Variants in VAV3 observed in about 807,000 individuals in gnomAD.
The protein encoded by VAV3 is guanine nucleotide exchange factor VAV3.
Under a neutral mutation model 131.2 loss-of-function variants are expected in VAV3, and 94 were observed. The observed-to-expected ratio is 0.72, with a 90% CI of 0.61 to 0.85. VAV3 has a LOEUF of 0.85. Ranked by LOEUF, VAV3 falls within the 40% of genes least tolerant of loss-of-function variation. VAV3 has a pLI of 0.00. For missense variants in VAV3, 939 were observed against 1,002.7 expected, an observed-to-expected ratio of 0.94 and a Z score of 0.86; for synonymous variants, 349 against 342.0, an observed-to-expected ratio of 1.02 and a Z score of -0.22.
At chr1:107,788,757 G>A (rs142382633) in intron 2 of VAV3, among the ~76,000 whole-genome samples, 15 of 152,248 alleles carry the variant, frequency 9.9e-5, no homozygotes, top group African/African-American at 3.4e-4. Context: ...AACTTAGTAC[G>A]CAAATGATAA....
intron 24 of VAV3, among the ~76,000 whole-genome samples, chr1:107,599,800 G>A (rs1400273627): frequency 9.2e-6 from 1 of 109,178 alleles, no homozygotes; most frequent in African/African-American, 3.1e-5. Flanking sequence ...GCCCTATTGT[G>A]TTTCACAGAT....
chr1:107,704,685 G>C (rs200765188), intron 16 of VAV3, 35 bp from the exon 17 acceptor site: 2 of 1,543,388 alleles, frequency 1.3e-6, no homozygotes, highest in African/African-American at 1.4e-5. Context: ...TATATTAAAC[G>C]GTGCAAAATT....
chr1:107,945,239 A>G (rs1268782569), intron 1 of VAV3, among the ~76,000 whole-genome samples: 1 of 152,174 alleles, frequency 6.6e-6, no homozygotes, highest in African/African-American at 2.4e-5. Flanking sequence ...ATTATATAAG[A>G]AAAAAACAAG....
chr1:107,892,893 C>T (rs1224816259), intron 1 of VAV3, among the ~76,000 whole-genome samples: 1 of 152,164 alleles, frequency 6.6e-6, no homozygotes, highest in African/African-American at 2.4e-5. Context: ...TCAACAATAA[C>T]TGCCCACTCC....
intron 19 of VAV3, among the ~76,000 whole-genome samples, chr1:107,655,131 G>A (rs1046864709): frequency 7.2e-5 from 11 of 151,982 alleles, no homozygotes; most frequent in Non-Finnish European, 1.5e-5. Flanking sequence ...TTCAATCACA[G>A]TTTATAAAAG....
intron 1 of VAV3, among the ~76,000 whole-genome samples, chr1:107,885,164 C>T (rs891948263): frequency 2.6e-5 from 4 of 152,264 alleles, no homozygotes; most frequent in Non-Finnish European, 5.9e-5. Flanking sequence ...CCATGCTTGC[C>T]TTGCCCCAGA....
At chr1:107,755,828 T>C (rs551071764) in intron 11 of VAV3, among the ~76,000 whole-genome samples, 1 of 152,228 alleles carries the variant, frequency 6.6e-6, no homozygotes, top group East Asian at 1.9e-4. Context: ...GTCGGAAGAA[T>C]AGAAATTCCA....
At chr1:107,901,692 AACT>A (rs1379297686) in intron 1 of VAV3, among the ~76,000 whole-genome samples, 1 of 152,250 alleles carries the variant, frequency 6.6e-6, no homozygotes. Context: ...TCTTTCAACC[AACT>A]ACTATGTTGT....
At chr1:107,617,715 T>C (rs1406287432) in intron 20 of VAV3, 83 bp from the exon 21 acceptor site, 9 of 1,221,144 alleles carry the variant, frequency 7.4e-6, no homozygotes, top group Non-Finnish European at 9.5e-6. Flanking sequence ...ATAGCACTGT[T>C]ACTTAGGATC....
At chr1:107,671,148 T>G (rs922373070) in intron 19 of VAV3, among the ~76,000 whole-genome samples, 5 of 152,218 alleles carry the variant, frequency 3.3e-5, no homozygotes, top group Non-Finnish European at 5.9e-5. Context: ...CTAATCATGT[T>G]CACGTCCTCT....
At chr1:107,728,804 T>C (rs547339240) in intron 15 of VAV3, among the ~76,000 whole-genome samples, 2 of 152,210 alleles carry the variant, frequency 1.3e-5, no homozygotes, top group East Asian at 3.9e-4. Flanking sequence ...GAAACAATAA[T>C]GCAAGCCGAG....
chr1:107,812,457 A>G (rs1444374101), intron 2 of VAV3, among the ~76,000 whole-genome samples: 1 of 152,150 alleles, frequency 6.6e-6, no homozygotes, highest in African/African-American at 2.4e-5. Context: ...GCTGATTTCC[A>G]AAGAATAGGA....
chr1:107,717,577 A>C (rs951201820), intron 15 of VAV3, among the ~76,000 whole-genome samples: 1 of 152,048 alleles, frequency 6.6e-6, no homozygotes, highest in African/African-American at 2.4e-5. Flanking sequence ...CTGAGTTCTA[A>C]TTTGATTGCA....
intron 2 of VAV3, among the ~76,000 whole-genome samples, chr1:107,856,411 T>G (rs1465485904): frequency 6.6e-6 from 1 of 152,176 alleles, no homozygotes; most frequent in Non-Finnish European, 1.5e-5. Flanking sequence ...TGAGCCAAAG[T>G]CAAACCAGAA....
At chr1:107,836,840 CA>C (rs1399969694) in intron 2 of VAV3, among the ~76,000 whole-genome samples, 2 of 152,050 alleles carry the variant, frequency 1.3e-5, no homozygotes, top group Admixed American at 1.3e-4. Flanking sequence ...TAGAATAACA[CA>C]ACCTCCAAGA....
At chr1:107,886,438 C>T (rs145313499) in intron 1 of VAV3, among the ~76,000 whole-genome samples, 87 of 152,328 alleles carry the variant, frequency 5.7e-4, no homozygotes, top group African/African-American at 1.9e-3. Flanking sequence ...TAGGACTGGA[C>T]TGCAGGCACC....
intron 1 of VAV3, among the ~76,000 whole-genome samples, chr1:107,955,317 GTTTT>G (rs58239664): frequency 2.0e-5 from 3 of 149,364 alleles, no homozygotes; most frequent in African/African-American, 7.4e-5. Flanking sequence ...TGCTGGCTAT[GTTTT>G]TTTTTTAATT....
Position 107,627,250 on chromosome 1 carries a change from G to A in VAV3, c.1915-9618C>T, listed in dbSNP as rs150925864. ...CTTCCCCATCTCCATCACTCTCTGT[G>A]AGGTATCCTGGGTCTTCCTCAATCA... On this transcript the variant is annotated intron_variant, in intron 20 of 26. Transcript: ENST00000370056. Among the ~76,000 whole-genome samples, 434 of 152,276 alleles carry A rather than the reference G, an allele frequency of 2.9e-3. 1 individual carries two copies. The highest frequency in any genetic ancestry group is 4.1e-3 in the Admixed American group (62 of 15,288).
intron 2 of VAV3, among the ~76,000 whole-genome samples, chr1:107,832,304 G>A (rs757017997): frequency 1.3e-5 from 2 of 152,218 alleles, no homozygotes; most frequent in Non-Finnish European, 2.9e-5. Context: ...TAATGCCGGA[G>A]GAAGCATATA....
Sources: gnomAD v4.1 joint callset for allele counts (sites outside exome capture counted in the v4.1 genomes callset) on GRCh38, gnomAD v4.1.1 for gene constraint, MANE v1.5 for transcripts, NCBI Gene and HGNC (gene_info 2026-07-23, HGNC 2026-07-21) for gene names.